Variants in SETBP1 observed in about 807,000 individuals in gnomAD.
SETBP1 encodes SET-binding protein.
In SETBP1, 9 loss-of-function variants were observed where a neutral mutation model predicts 101.0. The ratio of observed to expected loss-of-function variants is 0.09; its 90% CI spans 0.05 to 0.16. SETBP1 has a LOEUF of 0.16. Among genes scored for constraint, SETBP1 ranks in the 10% least tolerant of loss-of-function variants. SETBP1 has a pLI of 1.00. For synonymous variants in SETBP1, 818 were observed against 788.5 expected, an observed-to-expected ratio of 1.04 and a Z score of -0.63; for missense variants, 1,858 against 2,033.8, an observed-to-expected ratio of 0.91 and a Z score of 1.66.
chr18:44,908,766 G>A lies in SETBP1; in HGVS notation c.540+39483G>A, dbSNP rs1382088993. On this transcript the variant is annotated intron_variant, in intron 3 of 5. Transcript: ENST00000649279. ...GTTAATGCTCTCCTAGATTTGCTAA[G>A]CCTCAATTTTCTCACGTATTTAAAA... is the stretch of plus-strand genomic sequence containing the variant. 6.6e-5 allele frequency among the ~76,000 whole-genome samples: 10 copies of A among 152,196 alleles called. No individual in the cohort carries two copies. The East Asian group carries it at 1.9e-3, about 29-fold the overall frequency.
At chr18:44,708,513 T>C (rs1368020875) in intron 2 of SETBP1, among the ~76,000 whole-genome samples, 1 of 152,220 alleles carries the variant, frequency 6.6e-6, no homozygotes, top group African/African-American at 2.4e-5. Flanking sequence ...TGTTTCCTGA[T>C]AGATTTCTCT....
At chr18:44,977,767 G>T (rs147172316) in intron 4 of SETBP1, among the ~76,000 whole-genome samples, 4 of 152,260 alleles carry the variant, frequency 2.6e-5, no homozygotes, top group African/African-American at 9.6e-5. Context: ...TGCAGTTGCT[G>T]CCCAGAGTCT....
intron 1 of SETBP1, 36 bp from the exon 2 acceptor site, chr18:44,701,139 C>T: frequency 2.2e-6 from 1 of 461,806 alleles, no homozygotes; most frequent in Non-Finnish European, 3.7e-6. Flanking sequence ...GGTCATTTTC[C>T]TTTCTGCCAT....
chr18:44,856,133 AG>A (rs1485330781), intron 2 of SETBP1, among the ~76,000 whole-genome samples: 2 of 151,860 alleles, frequency 1.3e-5, no homozygotes, highest in African/African-American at 4.8e-5. Context: ...TAAAAAAAAA[AG>A]CAATTAGTTC....
chr18:45,050,769 C>G (rs772546023), intron 5 of SETBP1, among the ~76,000 whole-genome samples: 2 of 152,192 alleles, frequency 1.3e-5, no homozygotes, highest in Non-Finnish European at 2.9e-5. Context: ...GAGAATATGC[C>G]TAATACTACC....
chr18:45,055,954 A>C (rs755690464), intron 5 of SETBP1, among the ~76,000 whole-genome samples: 5 of 152,264 alleles, frequency 3.3e-5, no homozygotes, highest in Non-Finnish European at 7.3e-5. Context: ...TTTCTATAGC[A>C]TGAGTTTCTT....
At chr18:44,846,980 A>G (rs2072737427) in intron 2 of SETBP1, among the ~76,000 whole-genome samples, 1 of 152,182 alleles carries the variant, frequency 6.6e-6, no homozygotes, top group Non-Finnish European at 1.5e-5. Flanking sequence ...GAGCTCTATA[A>G]TGGCAGGGGT....
intron 4 of SETBP1, among the ~76,000 whole-genome samples, chr18:45,029,967 T>C (rs1453926623): frequency 6.7e-6 from 1 of 149,988 alleles, no homozygotes; most frequent in African/African-American, 2.5e-5. Flanking sequence ...CAGGGACAAT[T>C]TGACTTCCTC....
chr18:45,006,327 T>A (rs2072726214), intron 4 of SETBP1, among the ~76,000 whole-genome samples: 1 of 152,210 alleles, frequency 6.6e-6, no homozygotes, highest in Non-Finnish European at 1.5e-5. Context: ...TCCTACTAGC[T>A]TGTTCTTTAA....
intron 2 of SETBP1, among the ~76,000 whole-genome samples, chr18:44,737,652 A>G (rs1199985637): frequency 6.6e-6 from 1 of 152,204 alleles, no homozygotes; most frequent in African/African-American, 2.4e-5. Context: ...TGTCTGTAGG[A>G]TGAAGGCATT....
chr18:44,733,625 A>G (rs747107750), intron 2 of SETBP1, among the ~76,000 whole-genome samples: 3 of 152,134 alleles, frequency 2.0e-5, no homozygotes, highest in African/African-American at 7.2e-5. Flanking sequence ...ATAAACCACT[A>G]CGTGGCTGAT....
chr18:44,756,344 A>C (rs372295253), intron 2 of SETBP1, among the ~76,000 whole-genome samples: 63 of 152,274 alleles, frequency 4.1e-4, no homozygotes, highest in African/African-American at 1.5e-3. Context: ...GGTTTTTCCC[A>C]AACTTTATTT....
chr18:44,818,749 ACACT>A (rs568946958), intron 2 of SETBP1, among the ~76,000 whole-genome samples: 8,204 of 107,554 alleles, frequency 0.076, 284 homozygotes, highest in East Asian at 0.13. Context: ...AGACACGCAC[ACACT>A]CACACACACA....
chr18:44,769,698 C>G (rs1297327875), intron 2 of SETBP1, among the ~76,000 whole-genome samples: 1 of 152,046 alleles, frequency 6.6e-6, no homozygotes, highest in Non-Finnish European at 1.5e-5. Flanking sequence ...CAAATACAAA[C>G]AAAAAAGGAA....
chr18:44,982,684 C>G (rs910337502), intron 4 of SETBP1, among the ~76,000 whole-genome samples: 8 of 152,140 alleles, frequency 5.3e-5, no homozygotes, highest in African/African-American at 1.9e-4. Flanking sequence ...ATGATGCTTC[C>G]TCTTATTTTA....
rs192263510 is a variant in SETBP1 at position 44,685,958 on chromosome 18, G to A, written c.-173+4937G>A. ...CCAGTGCTCAGGAAATGCTCTTTGA[G>A]TTAAGGATCAGCAAGAAAAAAGGAA... On this transcript the variant is annotated intron_variant, in intron 1 of 5. Coordinates refer to ENST00000649279, the MANE Select transcript of SETBP1 (RefSeq NM_015559.3). Among the ~76,000 whole-genome samples, 14 of 152,328 alleles carry A rather than the reference G, an allele frequency of 9.2e-5. No homozygotes were observed. The East Asian group carries it at 2.7e-3, about 29-fold the overall frequency.
chr18:44,912,045 A>C (rs1006447150), intron 3 of SETBP1, among the ~76,000 whole-genome samples: 2 of 152,096 alleles, frequency 1.3e-5, no homozygotes, highest in Non-Finnish European at 2.9e-5. Flanking sequence ...AGAAGTGAGA[A>C]CCTCCAGCAG....
intron 1 of SETBP1, among the ~76,000 whole-genome samples, chr18:44,683,268 C>T (rs1350788470): frequency 1.3e-5 from 2 of 152,216 alleles, no homozygotes; most frequent in Admixed American, 1.3e-4. Flanking sequence ...GTTAACCCAA[C>T]AGCCCCTGCT....
chr18:44,833,642 G>T (rs192512937), intron 2 of SETBP1, among the ~76,000 whole-genome samples: 48 of 152,348 alleles, frequency 3.2e-4, no homozygotes, highest in Non-Finnish European at 6.8e-4. Context: ...TGTGCCCAGT[G>T]GTTCCTGCCC....
Sources: gnomAD v4.1 joint callset for allele counts (sites outside exome capture counted in the v4.1 genomes callset) on GRCh38, gnomAD v4.1.1 for gene constraint, MANE v1.5 for transcripts, NCBI Gene and HGNC (gene_info 2026-07-23, HGNC 2026-07-21) for gene names.